FRYL: variants seen among roughly 807,000 people sequenced by gnomAD.
FRYL encodes the protein protein furry homolog-like.
Under a neutral mutation model 351.2 loss-of-function variants are expected in FRYL, and 150 were observed. The ratio of observed to expected loss-of-function variants is 0.43; its 90% CI spans 0.37 to 0.49. FRYL has a LOEUF of 0.49. FRYL is among the 20% of genes least tolerant of loss of function. The pLI, the probability that FRYL is intolerant of heterozygous loss-of-function variation, is 0.00. For missense variants in FRYL, 3,036 were observed against 3,619.3 expected, an observed-to-expected ratio of 0.84 and a Z score of 4.13; for synonymous variants, 1,153 against 1,257.1, an observed-to-expected ratio of 0.92 and a Z score of 1.75.
chr4:48,640,782 G>A (rs1023437554), intron 3 of FRYL, among the ~76,000 whole-genome samples: 4 of 152,046 alleles, frequency 2.6e-5, no homozygotes, highest in African/African-American at 9.7e-5. Flanking sequence ...CCGAAATTAT[G>A]CTAAAAAATA....
At position 48,756,606 on chromosome 4, in the gene FRYL, G is replaced by A. The variant is rs112525434; in HGVS notation, c.-384+23472C>T. 4.6e-3 allele frequency among the ~76,000 whole-genome samples: 706 copies of A among 152,154 alleles called. 6 individuals are homozygous for A. The highest frequency in any genetic ancestry group is 0.016 in the African/African-American group (646 of 41,506). ...CAACATAGTGTTTATTAGAAGACAC[G>A]CACTCAAATACTTACAGTAATTTAT... is the stretch of plus-strand genomic sequence containing the variant. On this transcript the variant is annotated intron_variant, in intron 1 of 63. Transcript: ENST00000358350.
chr4:48,519,533 T>G (rs1724427744), intron 55 of FRYL, among the ~76,000 whole-genome samples: 1 of 151,482 alleles, frequency 6.6e-6, no homozygotes, highest in Non-Finnish European at 1.5e-5. Context: ...AGATGGAGTC[T>G]CACTCTGTTG....
At chr4:48,633,066 T>C (rs1753571611) in intron 4 of FRYL, among the ~76,000 whole-genome samples, 1 of 152,178 alleles carries the variant, frequency 6.6e-6, no homozygotes, top group Non-Finnish European at 1.5e-5. Context: ...GAGTTTCAGC[T>C]GTTACAACAT....
In FRYL at chr4:48,565,642, T is replaced by G; in HGVS notation, c.3219A>C (p.Leu1073=). ...CTGCCCAGTGACTGAACAGCATAAA[T>G]AGACTGTGACGAAGGCTCTGTTGAG... ...IFPQQSLRHS[L]FMLFSHWAGP... Residue 1073 remains leucine (L), a synonymous_variant, in exon 29 of 64, where the codon CTA becomes CTC. Transcript: ENST00000358350. 4 of 1,613,934 alleles carry G rather than the reference T, an allele frequency of 2.5e-6. 1 individual carries two copies. Among genetic ancestry groups the G allele is most frequent in the Middle Eastern group, 1.6e-4 (1 of 6,062 alleles).
At position 48,540,619 on chromosome 4, in the gene FRYL, A is replaced by G. The variant is rs1167984159; in HGVS notation, c.6029T>C (p.Leu2010Ser). The change falls in exon 46 of 64, where the codon TTA (leucine) becomes TCA (serine). Residue 2010 changes from leucine to serine, a missense_variant. Transcript: ENST00000358350. Reference sequence around the variant, plus strand: ...TTCATATTCATAATCTGATTCTAATAAAGATGCTGCTATCCAAAAAATGGT... The same window carrying G: ...TTCATATTCATAATCTGATTCTAATGAAGATGCTGCTATCCAAAAAATGGT... ...MATIFWIAAS[L>S]LESDYEYEYL... The G allele has an allele frequency of 1.2e-6, 2 of 1,613,860 alleles. No individual in the cohort carries two copies. The highest frequency in any genetic ancestry group is 1.1e-5 in the South Asian group (1 of 91,078).
Position 48,540,567 on chromosome 4 carries a change from G to T in FRYL, c.6081C>A (p.Asn2027Lys), listed in dbSNP as rs777594332. 2 of 1,613,984 alleles carry T rather than the reference G, an allele frequency of 1.2e-6. No homozygotes were observed. Among genetic ancestry groups the T allele is most frequent in the South Asian group, 2.2e-5 (2 of 91,080 alleles). Reference protein sequence around the residue: ...YEYLLALRLLNKLLIHLPLDK... With the variant: ...YEYLLALRLLKKLLIHLPLDK... ...CCAAAGGCAAATGGATAAGCAGTTT[G>T]TTGAGAAGCCTGAGAGCCAGGAGGT... is the stretch of plus-strand genomic sequence containing the variant. The change falls in exon 46 of 64, where the codon AAC becomes AAA. Residue 2027 changes from asparagine (N) to lysine (K), a missense_variant. By Grantham distance (94) the Asn-to-Lys change is moderately conservative. This residue lies in a region of FRYL where 1,987 missense variants were observed against 2,311.7 expected (regional missense o/e 0.86). Coordinates refer to ENST00000358350, the MANE Select transcript of FRYL (RefSeq NM_015030.2).
intron 6 of FRYL, 143 bp from the exon 7 acceptor site, chr4:48,619,513 A>G (rs1750228691): frequency 1.6e-5 from 8 of 512,990 alleles, no homozygotes; most frequent in South Asian, 3.7e-5. Context: ...TTTGTTTTTT[A>G]TTTTTGTCTT....
At chr4:48,645,155 T>TATATATATATATATATATATATATATAG (rs1756200515) in intron 3 of FRYL, among the ~76,000 whole-genome samples, 1 of 127,438 alleles carries the variant, frequency 7.8e-6, no homozygotes, top group Non-Finnish European at 1.7e-5. Context: ...TATATATATA[T>TATATATATATATATATATATATATATAG]CAGACTGGCA....
Position 48,535,961 on chromosome 4 carries a change from T to C in FRYL, c.6394-134A>G, listed in dbSNP as rs555008292. On this transcript the variant is annotated intron_variant, in intron 47 of 63. Transcript: ENST00000358350. Reference sequence around the variant, plus strand: ...TTTAATGCATTTTACTTCAATACGTTAGAAAAGTGAAACGAGAAAAAAAGC... The same window carrying C: ...TTTAATGCATTTTACTTCAATACGTCAGAAAAGTGAAACGAGAAAAAAAGC... The C allele has an allele frequency of 4.2e-5, 27 of 645,602 alleles. No homozygotes were observed. The African/African-American group carries it at 4.7e-4, about 11-fold the overall frequency. The allele number at this position is 645,602 out of a possible 1,614,324, so 40.0% of individuals were successfully genotyped here.
At chr4:48,584,267 C>A (rs1421739494) in intron 19 of FRYL, among the ~76,000 whole-genome samples, 2 of 152,138 alleles carry the variant, frequency 1.3e-5, no homozygotes, top group Non-Finnish European at 2.9e-5. Flanking sequence ...ATATTAAACA[C>A]AATTATATGC....
At chr4:48,637,275 T>C (rs1754425330) in intron 3 of FRYL, 1 of 152,086 alleles carries the variant, frequency 6.6e-6, no homozygotes, top group African/African-American at 2.4e-5. Flanking sequence ...TCCATCAAAG[T>C]TGTCCCCCTC....
chr4:48,653,318 T>G (rs1479317689), intron 3 of FRYL, among the ~76,000 whole-genome samples: 2 of 152,180 alleles, frequency 1.3e-5, no homozygotes, highest in African/African-American at 4.8e-5. Context: ...TGATGTTGAT[T>G]CAAACAACAT....
intron 35 of FRYL, among the ~76,000 whole-genome samples, chr4:48,554,067 A>AGTATAT (rs913332290): frequency 6.6e-6 from 1 of 152,242 alleles, no homozygotes; most frequent in African/African-American, 2.4e-5. Flanking sequence ...ACTTTTCAGT[A>AGTATAT]GTATATACAT....
At chr4:48,605,599 C>A in intron 11 of FRYL, 142 bp downstream of exon 11, 1 of 629,996 alleles carries the variant, frequency 1.6e-6, no homozygotes. Context: ...GACCTCTGAG[C>A]AACAGGGAGC....
intron 47 of FRYL, among the ~76,000 whole-genome samples, chr4:48,539,151 C>A (rs1729565224): frequency 6.6e-6 from 1 of 151,982 alleles, no homozygotes; most frequent in Admixed American, 6.6e-5. Context: ...GATTTACAAA[C>A]AGCTACACCA....
chr4:48,606,326 G>C, intron 10 of FRYL, 112 bp downstream of exon 10: 1 of 629,876 alleles, frequency 1.6e-6, no homozygotes, highest in Non-Finnish European at 2.6e-6. Flanking sequence ...CATGGAATAA[G>C]AGACTAAAAA....
intron 1 of FRYL, among the ~76,000 whole-genome samples, chr4:48,779,188 G>A (rs1323003188): frequency 6.6e-6 from 1 of 152,218 alleles, no homozygotes; most frequent in Non-Finnish European, 1.5e-5. Context: ...ACCAGGCTGT[G>A]CCCAAAGAAC....
At chr4:48,564,238 C>T (rs1178986243) in intron 30 of FRYL, 136 bp from the exon 31 acceptor site, 11 of 982,624 alleles carry the variant, frequency 1.1e-5, no homozygotes, top group Non-Finnish European at 1.6e-5. Flanking sequence ...TTTTGTTCAC[C>T]TCCCTCTCAT....
chr4:48,589,377 ATTT>A (rs58252414), intron 18 of FRYL, among the ~76,000 whole-genome samples: 574 of 146,550 alleles, frequency 3.9e-3, no homozygotes, highest in Admixed American at 5.8e-3. Context: ...GATTTTCAGG[ATTT>A]TTTTTTTTTT....
Sources: allele counts gnomAD v4.1 joint callset (sites outside exome capture counted in the v4.1 genomes callset), GRCh38; gene constraint gnomAD v4.1.1; regional missense constraint gnomAD v4.1.1; transcripts MANE v1.5; gene names NCBI Gene and HGNC (gene_info 2026-07-23, HGNC 2026-07-21).